The following SDK1 variants were observed in gnomAD, a reference collection of about 807,000 sequenced individuals.
SDK1 encodes sidekick cell adhesion molecule 1.
In SDK1, 157 loss-of-function variants were observed where a neutral mutation model predicts 245.5. The ratio of observed to expected loss-of-function variants is 0.64; its 90% CI spans 0.56 to 0.73. The LOEUF (loss-of-function observed/expected upper bound fraction) is 0.73. Ranked by LOEUF, SDK1 falls within the 30% of genes least tolerant of loss-of-function variation. SDK1 has a pLI of 0.00. For synonymous variants in SDK1, 1,647 were observed against 1,278.5 expected, an observed-to-expected ratio of 1.29 and a Z score of -6.15; for missense variants, 3,583 against 3,002.3, an observed-to-expected ratio of 1.19 and a Z score of -4.52.
intron 1 of SDK1, among the ~76,000 whole-genome samples, chr7:3,401,815 CA>C (rs1449839668): frequency 6.6e-6 from 1 of 151,932 alleles, no homozygotes; most frequent in Non-Finnish European, 1.5e-5. Flanking sequence ...GAATCTTGGC[CA>C]AAATGAGCAC....
At chr7:4,017,407 T>C (rs1786500940) in intron 17 of SDK1, 55 bp downstream of exon 17, 2 of 1,508,290 alleles carry the variant, frequency 1.3e-6, no homozygotes, top group Non-Finnish European at 1.8e-6. Flanking sequence ...GGAATGGGAT[T>C]TGCAAGGTTT....
In SDK1 at chr7:4,025,533, A is replaced by G. The variant is rs74895469; in HGVS notation, c.2602+8181A>G. On this transcript the variant is annotated intron_variant, in intron 17 of 44. Coordinates refer to ENST00000404826, the MANE Select transcript of SDK1 (RefSeq NM_152744.4). ...AGAGGACATGTGGAAAAATAAACCAATCTAAGTTACTGTGAGCATCACCTT... is the reference window on the plus strand; with the variant it reads ...AGAGGACATGTGGAAAAATAAACCAGTCTAAGTTACTGTGAGCATCACCTT... Among the ~76,000 whole-genome samples the G allele has an allele frequency of 7.1e-4, 108 of 152,206 alleles. 1 individual carries two copies. In the East Asian group the frequency reaches 0.02, roughly 28 times the overall value.
At chr7:4,225,996 T>G (rs1326188851) in intron 40 of SDK1, among the ~76,000 whole-genome samples, 1 of 152,122 alleles carries the variant, frequency 6.6e-6, no homozygotes, top group African/African-American at 2.4e-5. Context: ...CCTTCAATGA[T>G]TAAGGCCAGC....
chr7:4,177,322 C>A (rs557174128), intron 34 of SDK1, among the ~76,000 whole-genome samples: 2 of 152,230 alleles, frequency 1.3e-5, no homozygotes, highest in Non-Finnish European at 2.9e-5. Context: ...AAAGCCAAGC[C>A]ACCCACAGAG....
At chr7:3,788,234 G>A (rs559938648) in intron 4 of SDK1, among the ~76,000 whole-genome samples, 85 of 152,300 alleles carry the variant, frequency 5.6e-4, no homozygotes, top group Non-Finnish European at 7.4e-4. Context: ...TACTGCTGCC[G>A]GACACCAGAC....
At position 3,430,024 on chromosome 7, in the gene SDK1, T is replaced by C. The variant is rs963173333; in HGVS notation, c.298+128140T>C. Among the ~76,000 whole-genome samples the C allele has an allele frequency of 4.6e-5, 7 of 152,362 alleles. No individual in the cohort carries two copies. The South Asian group carries it at 8.3e-4, about 18-fold the overall frequency. ...ATACATGCAGTCACTGTGTGACATA[T>C]TACATTTCAAGTGCCAACTTGGGAA... On this transcript the variant is annotated intron_variant, in intron 1 of 44. Coordinates refer to ENST00000404826, the MANE Select transcript of SDK1 (RefSeq NM_152744.4).
chr7:4,264,359 T>C (rs528399553), intron 44 of SDK1, among the ~76,000 whole-genome samples: 27 of 125,912 alleles, frequency 2.1e-4, no homozygotes, highest in African/African-American at 4.2e-4. Context: ...GAGGAGGCCG[T>C]GTAGATCTCT....
intron 4 of SDK1, among the ~76,000 whole-genome samples, chr7:3,647,500 C>T (rs7793775): frequency 1.3e-5 from 2 of 152,012 alleles, no homozygotes; most frequent in Non-Finnish European, 2.9e-5. Flanking sequence ...GATCTCAGCT[C>T]ACTGCAACCT....
At chr7:3,743,648 T>C (rs1779537613) in intron 4 of SDK1, among the ~76,000 whole-genome samples, 1 of 152,212 alleles carries the variant, frequency 6.6e-6, no homozygotes, top group African/African-American at 2.4e-5. Flanking sequence ...AAGGAACATT[T>C]GCTATGTGCC....
At chr7:4,221,753 C>T (rs1785165459) in intron 40 of SDK1, among the ~76,000 whole-genome samples, 1 of 152,164 alleles carries the variant, frequency 6.6e-6, no homozygotes, top group Non-Finnish European at 1.5e-5. Context: ...AAACGTCAGG[C>T]TTGTTTCTGA....
intron 4 of SDK1, among the ~76,000 whole-genome samples, chr7:3,751,292 C>T (rs546000399): frequency 4.6e-5 from 7 of 152,322 alleles, no homozygotes; most frequent in African/African-American, 1.4e-4. Context: ...AGCTAATAAA[C>T]TAGGATGATG....
Position 3,995,255 on chromosome 7 carries a change from G to A in SDK1, c.2131+7933G>A, listed in dbSNP as rs115110721. 5.1e-3 allele frequency among the ~76,000 whole-genome samples: 780 copies of A among 152,186 alleles called. 3 individuals carry two copies. Among genetic ancestry groups the A allele is most frequent in the African/African-American group, 0.018 (757 of 41,530 alleles). On this transcript the variant is annotated intron_variant, in intron 14 of 44. Transcript: ENST00000404826. ...TTGCTCACCGAATCTGGGAATTCTC[G>A]CCCTGATCCTGTCCCCCTCTGCCTT...
At chr7:3,649,958 G>C (rs967213939) in intron 4 of SDK1, among the ~76,000 whole-genome samples, 1 of 150,754 alleles carries the variant, frequency 6.6e-6, no homozygotes, top group African/African-American at 2.4e-5. Flanking sequence ...GGAAGGAATC[G>C]ATTTTATTCT....
At chr7:3,938,702 A>G (rs945046990) in intron 5 of SDK1, among the ~76,000 whole-genome samples, 7 of 151,552 alleles carry the variant, frequency 4.6e-5, no homozygotes, top group Admixed American at 4.6e-4. Flanking sequence ...TATTTGGATC[A>G]CTCTAGCATC....
rs559151512 is a variant in SDK1 at position 3,802,534 on chromosome 7, C to A, written c.714-18916C>A. On this transcript the variant is annotated intron_variant, in intron 4 of 44. Coordinates refer to ENST00000404826, the MANE Select transcript of SDK1 (RefSeq NM_152744.4). ...TGGGGAGCAGAATGAGACCCTATAT[C>A]AAAAAAAAAAAAAGTGCTACAGAGC... is the stretch of plus-strand genomic sequence containing the variant. Among the ~76,000 whole-genome samples, 25 of 142,312 alleles carry A rather than the reference C, an allele frequency of 1.8e-4. No homozygotes were observed. In the South Asian group the frequency reaches 4.0e-3, roughly 23 times the overall value. 93.4% of individuals were successfully genotyped at this position (142,312 alleles called of 152,430 possible). A position where few individuals can be genotyped will look rare whatever the true frequency, so the allele number is the denominator to read the frequency against.
chr7:3,675,194 A>C (rs780786199), intron 4 of SDK1, among the ~76,000 whole-genome samples: 1 of 152,166 alleles, frequency 6.6e-6, no homozygotes, highest in African/African-American at 2.4e-5. Flanking sequence ...TTATCTTTCA[A>C]ATGGTTCAGG....
chr7:3,887,451 A>C (rs1241152189), intron 5 of SDK1, among the ~76,000 whole-genome samples: 1 of 152,130 alleles, frequency 6.6e-6, no homozygotes, highest in Non-Finnish European at 1.5e-5. Flanking sequence ...AGAAGTAATA[A>C]TAATTGAGCA....
At position 3,732,346 on chromosome 7, in the gene SDK1, A is replaced by G. The variant is rs145261067; in HGVS notation, c.714-89104A>G. ...ATATCTTTGTCAAAAAACAGCCACC[A>G]TGTTATTTGGAGCTTTTTTAGGTAG... On this transcript the variant is annotated intron_variant, in intron 4 of 44. Transcript: ENST00000404826. Among the ~76,000 whole-genome samples the G allele has an allele frequency of 5.3e-5, 8 of 152,350 alleles. No individual in the cohort carries two copies. The East Asian group carries it at 1.5e-3, about 29-fold the overall frequency.
chr7:3,644,044 A>C (rs1782741574), intron 4 of SDK1, among the ~76,000 whole-genome samples: 1 of 151,098 alleles, frequency 6.6e-6, no homozygotes, highest in African/African-American at 2.4e-5. Flanking sequence ...CTGGGACTGC[A>C]GGTGTGTGTC....
Sources: gnomAD v4.1 joint callset for allele counts (sites outside exome capture counted in the v4.1 genomes callset) on GRCh38, gnomAD v4.1.1 for gene constraint, MANE v1.5 for transcripts, NCBI Gene and HGNC (gene_info 2026-07-23, HGNC 2026-07-21) for gene names.